The following MRPL1 variants were observed in gnomAD, a reference collection of about 807,000 sequenced individuals.
The protein encoded by MRPL1 is large ribosomal subunit protein uL1m.
In MRPL1, 28 loss-of-function variants were observed where a neutral mutation model predicts 38.0. The observed-to-expected ratio is 0.74, with a 90% CI of 0.55 to 1.01. MRPL1 has a LOEUF of 1.01. Ranked by LOEUF, MRPL1 falls within the 50% of genes least tolerant of loss-of-function variation. The pLI is 0.00. For synonymous variants in MRPL1, 123 were observed against 126.7 expected, an observed-to-expected ratio of 0.97 and a Z score of 0.20; for missense variants, 358 against 389.8, an observed-to-expected ratio of 0.92 and a Z score of 0.69.
chr4:77,932,263 A>C (rs1489761268), intron 7 of MRPL1, among the ~76,000 whole-genome samples: 1 of 152,216 alleles, frequency 6.6e-6, no homozygotes, highest in Non-Finnish European at 1.5e-5. Context: ...TTTAAACAAT[A>C]GCAGAGATTT....
intron 7 of MRPL1, among the ~76,000 whole-genome samples, chr4:77,924,372 C>A (rs1337438896): frequency 6.6e-6 from 1 of 152,120 alleles, no homozygotes; most frequent in African/African-American, 2.4e-5. Flanking sequence ...TTAATAAAAG[C>A]AGCTTGTCCA....
intron 5 of MRPL1, among the ~76,000 whole-genome samples, chr4:77,890,802 C>T (rs1198492170): frequency 6.6e-6 from 1 of 152,158 alleles, no homozygotes; most frequent in Non-Finnish European, 1.5e-5. Flanking sequence ...GATACAAAAT[C>T]AATGTGCAAA....
Position 77,927,099 on chromosome 4 carries a change from T to C in MRPL1, c.777+17727T>C, listed in dbSNP as rs1448008738. On this transcript the variant is annotated intron_variant, in intron 7 of 8. Coordinates refer to ENST00000315567, the MANE Select transcript of MRPL1 (RefSeq NM_020236.4). ...CTCCCTCCTTGGTCATCTACTTACA[T>C]GTCAGAAAGACATGAAAGATAGAAT... Among the ~76,000 whole-genome samples the C allele has an allele frequency of 2.0e-5, 3 of 152,166 alleles. No individual in the cohort carries two copies. In the East Asian group the frequency reaches 5.8e-4, roughly 29 times the overall value.
At chr4:77,889,009 T>C (rs1462738671) in intron 5 of MRPL1, among the ~76,000 whole-genome samples, 1 of 152,148 alleles carries the variant, frequency 6.6e-6, no homozygotes, top group East Asian at 1.9e-4. Flanking sequence ...GAAAGAGACT[T>C]AGACTCCCAC....
intron 5 of MRPL1, among the ~76,000 whole-genome samples, chr4:77,887,699 T>G (rs997815462): frequency 1.2e-4 from 19 of 152,196 alleles, no homozygotes; most frequent in Admixed American, 9.2e-4. Flanking sequence ...CTAATTTTTT[T>G]GTAGAGATAG....
At chr4:77,911,517 G>T (rs1736287764) in intron 7 of MRPL1, among the ~76,000 whole-genome samples, 1 of 151,858 alleles carries the variant, frequency 6.6e-6, no homozygotes, top group Non-Finnish European at 1.5e-5. Context: ...GTTGAGAGTG[G>T]GTTTTAGATT....
chr4:77,874,010 T>A lies in MRPL1; in HGVS notation c.143+2155T>A, dbSNP rs201571747. 1.3e-4 allele frequency among the ~76,000 whole-genome samples: 20 copies of A among 152,134 alleles called. No homozygotes were observed. In the East Asian group the frequency reaches 3.1e-3, roughly 23 times the overall value. On this transcript the variant is annotated intron_variant, in intron 2 of 8. Transcript: ENST00000315567. The stretch of plus-strand genomic sequence containing the variant: ...TTTTGCATATTGCCTGCTTTTTTTT[T>A]TTTTTTGAGATGGATTCTTGCACTG...
At position 77,921,524 on chromosome 4, in the gene MRPL1, GAA is replaced by G. The variant is rs1212927475; in HGVS notation, c.777+12158_777+12159del. Among the ~76,000 whole-genome samples the G allele has an allele frequency of 2.6e-5, 4 of 151,992 alleles. No homozygotes were observed. In the East Asian group the frequency reaches 7.7e-4, roughly 29 times the overall value. ...GAGGCAGCAAGTACAAAGGCTCTGA[GAA>G]AAAAAGGGGATTGAGCTTTTATAGG... On this transcript the variant is annotated intron_variant, in intron 7 of 8. Transcript: ENST00000315567.
chr4:77,868,386 C>T (rs1379748084), intron 1 of MRPL1, among the ~76,000 whole-genome samples: 1 of 152,032 alleles, frequency 6.6e-6, no homozygotes, highest in Non-Finnish European at 1.5e-5. Context: ...ATTACAGGAG[C>T]ATGCCACCAC....
chr4:77,926,523 G>A (rs1420700093), intron 7 of MRPL1, among the ~76,000 whole-genome samples: 1 of 151,946 alleles, frequency 6.6e-6, no homozygotes, highest in Non-Finnish European at 1.5e-5. Flanking sequence ...TTCCATTTCT[G>A]GATAAAGAGA....
intron 7 of MRPL1, among the ~76,000 whole-genome samples, chr4:77,935,725 T>C (rs1294529101): frequency 6.6e-6 from 1 of 152,106 alleles, no homozygotes; most frequent in Admixed American, 6.5e-5. Flanking sequence ...CTTTATATCT[T>C]CATTAAGAAG....
chr4:77,908,112 C>T (rs1388066794), intron 6 of MRPL1, among the ~76,000 whole-genome samples: 1 of 151,736 alleles, frequency 6.6e-6, no homozygotes, highest in African/African-American at 2.4e-5. Flanking sequence ...AATGAGCTAC[C>T]TCTATACTGT....
At chr4:77,892,821 C>T (rs528968426) in intron 5 of MRPL1, among the ~76,000 whole-genome samples, 1 of 152,316 alleles carries the variant, frequency 6.6e-6, no homozygotes, top group South Asian at 2.1e-4. Context: ...GACTCATCCT[C>T]CCTGATCCCT....
chr4:77,939,206 G>A (rs1193075461), intron 7 of MRPL1, among the ~76,000 whole-genome samples: 1 of 152,118 alleles, frequency 6.6e-6, no homozygotes, highest in Non-Finnish European at 1.5e-5. Context: ...TTAGAAAAAT[G>A]GTCCCCAATT....
At chr4:77,866,097 G>A (rs1340144810) in intron 1 of MRPL1, among the ~76,000 whole-genome samples, 1 of 152,196 alleles carries the variant, frequency 6.6e-6, no homozygotes, top group Non-Finnish European at 1.5e-5. Context: ...TGTTGTCCAG[G>A]CTAGAGTGCA....
chr4:77,898,354 G>GTA (rs1735963592), intron 6 of MRPL1, among the ~76,000 whole-genome samples: 1 of 151,852 alleles, frequency 6.6e-6, no homozygotes, highest in Non-Finnish European at 1.5e-5. Context: ...ATTGCCTAGA[G>GTA]TATAGTACCT....
chr4:77,952,541 ACTGAAGATT>A lies in MRPL1; in HGVS notation c.913_921del (p.Leu305_Ile307del). ...GTAGTTCAACAAGTGAAGGTTTATT[ACTGAAGATT>A]GATCCATTGTTGCCTAAAGAAGTAA... On this transcript the variant is annotated inframe_deletion, in exon 9 of 9. Transcript: ENST00000315567. 1.2e-6 allele frequency: 2 copies of A among 1,613,656 alleles called. No individual in the cohort carries two copies. The highest frequency in any genetic ancestry group is 1.7e-6 in the Non-Finnish European group (2 of 1,179,832).
intron 3 of MRPL1, among the ~76,000 whole-genome samples, chr4:77,884,237 T>A (rs1399461502): frequency 7.0e-6 from 1 of 142,876 alleles, no homozygotes; most frequent in Non-Finnish European, 1.5e-5. Context: ...AGAGCAAGAC[T>A]CCATCTCAAA....
At chr4:77,876,163 G>A (rs889818155) in intron 2 of MRPL1, among the ~76,000 whole-genome samples, 1 of 152,008 alleles carries the variant, frequency 6.6e-6, no homozygotes, top group Non-Finnish European at 1.5e-5. Context: ...GGCAGAGATG[G>A]GGTTTCACCA....
Sources: gnomAD v4.1 joint callset for allele counts (sites outside exome capture counted in the v4.1 genomes callset) on GRCh38, gnomAD v4.1.1 for gene constraint, MANE v1.5 for transcripts, NCBI Gene and HGNC (gene_info 2026-07-23, HGNC 2026-07-21) for gene names.